Variants in VPS41 observed in about 807,000 individuals in gnomAD.
VPS41 encodes the protein vacuolar protein sorting-associated protein 41 homolog.
VPS41 carries 85 observed loss-of-function variants against 130.9 expected under a neutral mutation model. That is an observed-to-expected ratio of 0.65 (90% CI 0.55 to 0.78). The LOEUF (loss-of-function observed/expected upper bound fraction) is 0.78, where lower values mean the gene tolerates loss of function less well. VPS41 is among the 30% of genes least tolerant of loss of function. VPS41 has a pLI of 0.00. For missense variants in VPS41, 874 were observed against 1,018.7 expected (o/e 0.86, Z 1.93); for synonymous variants, 335 against 332.9 (o/e 1.01, Z -0.07).
At chr7:38,876,644 C>A (rs868140092) in intron 2 of VPS41, among the ~76,000 whole-genome samples, 2 of 151,978 alleles carry the variant, frequency 1.3e-5, no homozygotes, top group African/African-American at 2.4e-5. Context: ...ATCTACTGAG[C>A]TAAGATTTTT....
intron 4 of VPS41, among the ~76,000 whole-genome samples, chr7:38,850,222 T>G (rs1785821794): frequency 6.6e-6 from 1 of 152,220 alleles, no homozygotes; most frequent in Non-Finnish European, 1.5e-5. Context: ...CTTTGCCAAG[T>G]TGATGGTTAT....
chr7:38,758,247 A>G (rs1783843269), intron 18 of VPS41, 107 bp downstream of exon 18: 1 of 1,044,862 alleles, frequency 9.6e-7, no homozygotes, highest in Non-Finnish European at 1.4e-6. Context: ...GAATGTAGGA[A>G]AATGGTATAA....
chr7:38,900,763 G>A (rs1442953057), intron 1 of VPS41, among the ~76,000 whole-genome samples: 1 of 152,190 alleles, frequency 6.6e-6, no homozygotes, highest in African/African-American at 2.4e-5. Context: ...TCTGAGACTT[G>A]CCTTCAGCAC....
chr7:38,896,806 C>G (rs1787005828), intron 2 of VPS41, among the ~76,000 whole-genome samples: 1 of 152,208 alleles, frequency 6.6e-6, no homozygotes, highest in Admixed American at 6.5e-5. Flanking sequence ...CAGGTTATCA[C>G]AGATACATTT....
intron 7 of VPS41, among the ~76,000 whole-genome samples, chr7:38,816,843 T>G (rs567386503): frequency 6.6e-6 from 1 of 152,308 alleles, no homozygotes; most frequent in South Asian, 2.1e-4. Flanking sequence ...ACTCCTAGGT[T>G]CAAGTGATCC....
At chr7:38,743,694 T>C (rs924346149) in intron 23 of VPS41, 152 bp from the exon 24 acceptor site, 16 of 855,760 alleles carry the variant, frequency 1.9e-5, no homozygotes, top group East Asian at 8.0e-5. Context: ...GTCTATAACA[T>C]AGCAAAATAA....
chr7:38,783,999 C>G (rs952323471), intron 10 of VPS41, among the ~76,000 whole-genome samples: 1 of 151,924 alleles, frequency 6.6e-6, no homozygotes, highest in Non-Finnish European at 1.5e-5. Flanking sequence ...TTCAGTAAAC[C>G]CTTATTTACA....
intron 4 of VPS41, among the ~76,000 whole-genome samples, chr7:38,834,191 T>C (rs894227300): frequency 2.0e-5 from 3 of 152,284 alleles, no homozygotes; most frequent in South Asian, 2.1e-4. Flanking sequence ...TAGGAAAATA[T>C]TGCACTTAAT....
intron 2 of VPS41, among the ~76,000 whole-genome samples, chr7:38,885,422 T>C (rs1282071120): frequency 6.6e-6 from 1 of 152,218 alleles, no homozygotes; most frequent in Non-Finnish European, 1.5e-5. Context: ...TTATGTTCCA[T>C]AAATAGAAAA....
intron 2 of VPS41, among the ~76,000 whole-genome samples, chr7:38,896,690 T>C (rs1787002309): frequency 6.6e-6 from 1 of 152,206 alleles, no homozygotes; most frequent in African/African-American, 2.4e-5. Flanking sequence ...TATGCATAAG[T>C]CCAACTTTTC....
At chr7:38,843,846 A>T (rs1785666313) in intron 4 of VPS41, among the ~76,000 whole-genome samples, 1 of 152,228 alleles carries the variant, frequency 6.6e-6, no homozygotes, top group Non-Finnish European at 1.5e-5. Context: ...TTCAAAAGGC[A>T]GCGATTTATA....
rs568906744 is a variant in VPS41 at position 38,872,977 on chromosome 7, G to A, written c.61-3724C>T. Among the ~76,000 whole-genome samples the A allele has an allele frequency of 2.6e-5, 4 of 152,288 alleles. No individual in the cohort carries two copies. The East Asian group carries it at 7.7e-4, about 29-fold the overall frequency. On this transcript the variant is annotated intron_variant, in intron 2 of 28. Transcript: ENST00000310301. ...TCTGGACATCAAATGTGCATCCAAT[G>A]TGAAAAGTTAATTCTAGCCTCTTGA...
intron 22 of VPS41, among the ~76,000 whole-genome samples, chr7:38,748,236 C>T (rs750006595): frequency 1.3e-4 from 20 of 152,082 alleles, no homozygotes; most frequent in African/African-American, 4.6e-4. Context: ...CGCACACACA[C>T]GCGGACAATG....
intron 4 of VPS41, among the ~76,000 whole-genome samples, chr7:38,849,619 T>C (rs1243474080): frequency 1.3e-5 from 2 of 152,178 alleles, no homozygotes; most frequent in Non-Finnish European, 2.9e-5. Flanking sequence ...AGCGTGCCGG[T>C]GTCTGCCGGT....
In VPS41 at chr7:38,723,991, G is replaced by A. The variant is rs1449867856; in HGVS notation, c.*2255C>T. 3 of 152,092 alleles carry A rather than the reference G, an allele frequency of 2.0e-5. No homozygotes were observed. The highest frequency in any genetic ancestry group is 2.9e-5 in the Non-Finnish European group (2 of 68,020). The allele number at this position is 152,092 out of a possible 1,614,324, so 9.4% of individuals were successfully genotyped here. On this transcript the variant is annotated 3_prime_UTR_variant, in exon 29 of 29. Coordinates refer to ENST00000310301, the MANE Select transcript of VPS41 (RefSeq NM_014396.4). The stretch of plus-strand genomic sequence containing the variant: ...CAAAAGAAAAGACATTCTAAGGAAC[G>A]AAAGCTAGTGTTTTTTATTAACGAT...
chr7:38,812,658 C>A (rs1426939509), intron 7 of VPS41, among the ~76,000 whole-genome samples: 1 of 152,032 alleles, frequency 6.6e-6, no homozygotes, highest in Non-Finnish European at 1.5e-5. Context: ...TAAGGAATAT[C>A]TACCCAGAAT....
rs202024980 is a variant in VPS41, at chr7:38,726,230, G to A, written c.*16C>T. On this transcript the variant is annotated 3_prime_UTR_variant, in exon 29 of 29. Transcript: ENST00000310301. ...CAAAAAGAGTGGTGACAAGGAGACT[G>A]ACAAGGAGAAATGAGCTATTTTTTC... 1.9e-5 allele frequency: 31 copies of A among 1,592,876 alleles called. No individual in the cohort carries two copies. Among genetic ancestry groups the A allele is most frequent in the Non-Finnish European group, 2.6e-5 (30 of 1,161,016 alleles).
intron 1 of VPS41, 105 bp from the exon 2 acceptor site, chr7:38,898,234 T>A: frequency 1.1e-6 from 1 of 926,790 alleles, no homozygotes; most frequent in East Asian, 2.6e-5. Flanking sequence ...TCTGCCCTTT[T>A]TGGAAGAGAA....
chr7:38,882,593 T>C (rs1178377743), intron 2 of VPS41, among the ~76,000 whole-genome samples: 2 of 152,156 alleles, frequency 1.3e-5, no homozygotes, highest in African/African-American at 2.4e-5. Flanking sequence ...ACTTAAAATA[T>C]GCAAAGTAGA....
Sources: allele counts gnomAD v4.1 joint callset (sites outside exome capture counted in the v4.1 genomes callset), GRCh38; gene constraint gnomAD v4.1.1; transcripts MANE v1.5; gene names NCBI Gene and HGNC (gene_info 2026-07-23, HGNC 2026-07-21).